Variants in FANCL observed in about 807,000 individuals in gnomAD.
FANCL encodes the protein E3 ubiquitin-protein ligase FANCL.
FANCL carries 69 observed loss-of-function variants against 59.4 expected under a neutral mutation model. That is an observed-to-expected ratio of 1.16 (90% CI 0.96 to 1.42). The LOEUF (loss-of-function observed/expected upper bound fraction) is 1.42, where lower values mean the gene tolerates loss of function less well. Ranked by LOEUF, FANCL falls within the 40% of genes most tolerant of loss-of-function variation. The pLI is 0.00. For synonymous variants in FANCL, 180 were observed against 147.1 expected (o/e 1.22, Z -1.62); for missense variants, 519 against 447.2 (o/e 1.16, Z -1.45).
chr2:58,231,042 T>C (rs568512069), intron 2 of FANCL, among the ~76,000 whole-genome samples: 12 of 152,330 alleles, frequency 7.9e-5, no homozygotes, highest in East Asian at 3.9e-4. Context: ...ATCCTCAGCA[T>C]TGCTAACCAT....
At chr2:58,184,128 G>A (rs938098603) in intron 7 of FANCL, among the ~76,000 whole-genome samples, 1 of 151,958 alleles carries the variant, frequency 6.6e-6, no homozygotes, top group Non-Finnish European at 1.5e-5. Flanking sequence ...TTATTACAAT[G>A]TAATCTCATT....
intron 7 of FANCL, among the ~76,000 whole-genome samples, 192 bp from the exon 8 acceptor site, chr2:58,166,066 T>C (rs1003517683): frequency 6.6e-6 from 1 of 152,212 alleles, no homozygotes; most frequent in East Asian, 1.9e-4. Flanking sequence ...TCTTTTTTAT[T>C]GACAGTAGAC....
intron 7 of FANCL, 126 bp downstream of exon 7, chr2:58,198,468 T>A: frequency 2.8e-6 from 2 of 703,992 alleles, no homozygotes; most frequent in Non-Finnish European, 4.9e-6. Context: ...TATAAGAGAT[T>A]TGGGTATGCA....
rs1206454713 is a variant in FANCL, at chr2:58,217,193, T to G, written c.374+4749A>C. On this transcript the variant is annotated intron_variant, in intron 5 of 13. Transcript: ENST00000233741. ...ATATATATATATATATATATATATATATATATATATATATATATATATACA... is the reference window on the plus strand; with the variant it reads ...ATATATATATATATATATATATATAGATATATATATATATATATATATACA... 2.3e-3 allele frequency among the ~76,000 whole-genome samples: 32 copies of G among 13,690 alleles called. 2 individuals carry two copies. The highest frequency in any genetic ancestry group is 1.7e-3 in the Non-Finnish European group (11 of 6,648). 9.0% of individuals were successfully genotyped at this position (13,690 alleles called of 152,430 possible). A position where few individuals can be genotyped will look rare whatever the true frequency, so the allele number is the denominator to read the frequency against.
intron 11 of FANCL, among the ~76,000 whole-genome samples, chr2:58,161,912 AC>A (rs1685240169): frequency 6.6e-6 from 1 of 151,934 alleles, no homozygotes; most frequent in South Asian, 2.1e-4. Flanking sequence ...TATAAAGGTG[AC>A]TATATTGCTG....
intron 5 of FANCL, among the ~76,000 whole-genome samples, chr2:58,219,550 A>G (rs1051717098): frequency 5.3e-5 from 8 of 151,994 alleles, no homozygotes; most frequent in African/African-American, 1.9e-4. Context: ...CGGTGCAGAA[A>G]CCCGACAAAT....
chr2:58,170,652 G>C lies in FANCL; in HGVS notation c.541-4778C>G, dbSNP rs191617222. Among the ~76,000 whole-genome samples the C allele has an allele frequency of 4.3e-5, 6 of 141,014 alleles. No individual in the cohort carries two copies. The East Asian group carries it at 8.4e-4, about 20-fold the overall frequency. 92.5% of individuals were successfully genotyped at this position (141,014 alleles called of 152,430 possible). The stretch of plus-strand genomic sequence containing the variant: ...CACGTGCAAAGAAACACACAGGCTC[G>C]AAATAAAGGGATGGAGGAATATTTA... On this transcript the variant is annotated intron_variant, in intron 7 of 13. Coordinates refer to ENST00000233741, the MANE Select transcript of FANCL (RefSeq NM_018062.4).
chr2:58,206,701 G>A (rs773337207), intron 5 of FANCL, among the ~76,000 whole-genome samples: 7 of 152,146 alleles, frequency 4.6e-5, no homozygotes, highest in Non-Finnish European at 8.8e-5. Flanking sequence ...CAGAAAAAGT[G>A]CCACGCTCAA....
intron 12 of FANCL, 42 bp downstream of exon 12, chr2:58,161,480 G>A (rs773261619): frequency 2.6e-6 from 3 of 1,166,506 alleles, no homozygotes; most frequent in Middle Eastern, 1.9e-4. Context: ...TTCCTATGTT[G>A]TGTTAGCGGA....
rs1317298705 is a variant in FANCL at position 58,217,197 on chromosome 2, TATATATATATATATATATAC to T, written c.374+4725_374+4744del. Among the ~76,000 whole-genome samples, 40 of 13,560 alleles carry T rather than the reference TATATATATATATATATATAC, an allele frequency of 2.9e-3. No homozygotes were observed. In the South Asian group the frequency reaches 0.034, roughly 11 times the overall value. 8.9% of individuals were successfully genotyped at this position (13,560 alleles called of 152,430 possible). A position where few individuals can be genotyped will look rare whatever the true frequency, so the allele number is the denominator to read the frequency against. On this transcript the variant is annotated intron_variant, in intron 5 of 13. Coordinates refer to ENST00000233741, the MANE Select transcript of FANCL (RefSeq NM_018062.4). ...ATATATATATATATATATATATATA[TATATATATATATATATATAC>T]ACACACACACACACACACACACACA...
chr2:58,238,924 T>A (rs950487071), intron 1 of FANCL, among the ~76,000 whole-genome samples: 1 of 152,136 alleles, frequency 6.6e-6, no homozygotes, highest in African/African-American at 2.4e-5. Context: ...TAAAACCTGC[T>A]CACTGGCCAA....
rs147988854 is a variant in FANCL at position 58,193,967 on chromosome 2, TCTAA to T, written c.540+4623_540+4626del. On this transcript the variant is annotated intron_variant, in intron 7 of 13. Transcript: ENST00000233741. Reference sequence around the variant, plus strand: ...GAATACCCAAATGCTAGTATACTGCTCTAACTAATGGATAATGCTCCCTGCTATG... The same window carrying T: ...GAATACCCAAATGCTAGTATACTGCTCTAATGGATAATGCTCCCTGCTATG... Among the ~76,000 whole-genome samples, 943 of 152,296 alleles carry T rather than the reference TCTAA, an allele frequency of 6.2e-3. 10 individuals are homozygous for T. The highest frequency in any genetic ancestry group is 0.022 in the African/African-American group (902 of 41,560).
At chr2:58,160,839 A>C (rs1183742511) in intron 12 of FANCL, among the ~76,000 whole-genome samples, 1 of 152,008 alleles carries the variant, frequency 6.6e-6, no homozygotes, top group Non-Finnish European at 1.5e-5. Context: ...GCTACCTCTA[A>C]TCACAAAAGT....
chr2:58,197,301 A>G (rs566327109), intron 7 of FANCL, among the ~76,000 whole-genome samples: 193 of 152,104 alleles, frequency 1.3e-3, no homozygotes, highest in Non-Finnish European at 1.7e-3. Context: ...TATTTACTTT[A>G]CTCATGTATT....
intron 7 of FANCL, among the ~76,000 whole-genome samples, chr2:58,183,481 T>C (rs1158227390): frequency 6.6e-6 from 1 of 151,852 alleles, no homozygotes; most frequent in African/African-American, 2.4e-5. Flanking sequence ...AGTGAAGAGG[T>C]CAGCATTTTG....
intron 7 of FANCL, among the ~76,000 whole-genome samples, chr2:58,170,029 C>G (rs1686404429): frequency 6.6e-6 from 1 of 152,084 alleles, no homozygotes; most frequent in South Asian, 2.1e-4. Flanking sequence ...TCAGGAAATA[C>G]AGAGAACACC....
intron 3 of FANCL, 137 bp downstream of exon 3, chr2:58,229,676 AC>A: frequency 1.5e-6 from 1 of 682,532 alleles, no homozygotes; most frequent in Non-Finnish European, 2.6e-6. Context: ...TTAAAAACAC[AC>A]AGAGATGAAA....
intron 1 of FANCL, among the ~76,000 whole-genome samples, chr2:58,237,975 T>G (rs1376012466): frequency 7.2e-5 from 11 of 152,306 alleles, no homozygotes; most frequent in African/African-American, 2.6e-4. Context: ...AAGATCCATG[T>G]GGTGAGGAAC....
intron 7 of FANCL, among the ~76,000 whole-genome samples, chr2:58,179,960 C>A (rs568468995): frequency 2.0e-5 from 3 of 152,084 alleles, no homozygotes; most frequent in Non-Finnish European, 4.4e-5. Flanking sequence ...GGCCAACAAA[C>A]ATATGAAAAA....
Sources: gnomAD v4.1 joint callset for allele counts (sites outside exome capture counted in the v4.1 genomes callset) on GRCh38, gnomAD v4.1.1 for gene constraint, MANE v1.5 for transcripts, NCBI Gene and HGNC (gene_info 2026-07-23, HGNC 2026-07-21) for gene names.